Variants in ZYG11A observed in about 807,000 individuals in gnomAD.
ZYG11A encodes zyg-11 family member A, cell cycle regulator.
Under a neutral mutation model 77.2 loss-of-function variants are expected in ZYG11A, and 62 were observed. The observed-to-expected ratio is 0.80, with a 90% CI of 0.65 to 0.99. The LOEUF (loss-of-function observed/expected upper bound fraction) is 0.99, where lower values mean the gene tolerates loss of function less well. Ranked by LOEUF, ZYG11A falls within the 50% of genes least tolerant of loss-of-function variation. The pLI is 0.00. For missense variants in ZYG11A, 828 were observed against 896.8 expected (o/e 0.92, Z 0.98); for synonymous variants, 315 against 324.6 (o/e 0.97, Z 0.32).
chr1:52,864,182 G>A (rs1166962915), intron 5 of ZYG11A, 25 bp downstream of exon 5: 2 of 1,547,776 alleles, frequency 1.3e-6, no homozygotes, highest in Non-Finnish European at 1.7e-6. Context: ...ATATTTGTTT[G>A]TGCTTTTTTT....
intron 11 of ZYG11A, 40 bp downstream of exon 11, chr1:52,881,705 T>C (rs747383842): frequency 1.9e-5 from 27 of 1,418,792 alleles, no homozygotes; most frequent in Middle Eastern, 1.8e-4. Context: ...TCCAGAGTAA[T>C]CTCTAATTAC....
Position 52,877,811 on chromosome 1 carries a change from C to G in ZYG11A, c.1672C>G (p.Gln558Glu), listed in dbSNP as rs1182336388. 6.4e-7 allele frequency: 1 copy of G among 1,551,548 alleles called. No homozygotes were observed. The change falls in exon 9 of 14, where the codon CAA becomes GAA. Residue 558 changes from glutamine (Q) to glutamate (E), a missense_variant. Coordinates refer to ENST00000371528, the MANE Select transcript of ZYG11A (RefSeq NM_001004339.3). ...TGCCTGCAAGCACTTCATTGAAAAT[C>G]AAGGATTGCAAATCTTCATCCAAGT... ...PAACKHFIEN[Q>E]GLQIFIQVLE...
chr1:52,859,667 CTTT>C (rs60756718), intron 3 of ZYG11A, among the ~76,000 whole-genome samples: 48 of 42,904 alleles, frequency 1.1e-3, no homozygotes, highest in African/African-American at 2.7e-3. Flanking sequence ...TGTGTATTGC[CTTT>C]TTTTTTTTTT....
At chr1:52,874,738 G>A (rs1263077405) in intron 8 of ZYG11A, among the ~76,000 whole-genome samples, 1 of 151,970 alleles carries the variant, frequency 6.6e-6, no homozygotes, top group South Asian at 2.1e-4. Flanking sequence ...GGGGTGGCAC[G>A]AGCCTGTAAT....
chr1:52,886,017 C>T, intron 12 of ZYG11A, 123 bp downstream of exon 12: 1 of 666,000 alleles, frequency 1.5e-6, no homozygotes, highest in Non-Finnish European at 2.4e-6. Flanking sequence ...ACTGCAAGCT[C>T]CACCTCCCGG....
intron 11 of ZYG11A, among the ~76,000 whole-genome samples, chr1:52,882,990 A>G (rs946472182): frequency 6.9e-6 from 1 of 144,668 alleles, no homozygotes; most frequent in Non-Finnish European, 1.5e-5. Flanking sequence ...TCATCTTTTC[A>G]TATCTAGCTC....
At chr1:52,871,009 A>G (rs1646153177) in intron 8 of ZYG11A, among the ~76,000 whole-genome samples, 1 of 152,104 alleles carries the variant, frequency 6.6e-6, no homozygotes, top group African/African-American at 2.4e-5. Flanking sequence ...CATTTATGGC[A>G]TGGTTTATGA....
At chr1:52,860,438 C>G (rs1169089914) in intron 3 of ZYG11A, among the ~76,000 whole-genome samples, 1 of 152,122 alleles carries the variant, frequency 6.6e-6, no homozygotes, top group Non-Finnish European at 1.5e-5. Context: ...GCTGGGACTA[C>G]AGGCGCCTGC....
Position 52,893,177 on chromosome 1 carries a change from C to T in ZYG11A, c.*220C>T. ...AGCCTTTCAGCAGCAATTTTGAAGACTCAAACCGTGGACTCTGGGAAGGCC... is the reference window on the plus strand; with the variant it reads ...AGCCTTTCAGCAGCAATTTTGAAGATTCAAACCGTGGACTCTGGGAAGGCC... On this transcript the variant is annotated 3_prime_UTR_variant, in exon 14 of 14. Transcript: ENST00000371528. 2.0e-6 allele frequency: 1 copy of T among 502,512 alleles called. No homozygotes were observed. Among genetic ancestry groups the T allele is most frequent in the Non-Finnish European group, 3.5e-6 (1 of 282,118 alleles). 31.1% of individuals were successfully genotyped at this position (502,512 alleles called of 1,614,324 possible).
Position 52,892,024 on chromosome 1 carries a change from G to A in ZYG11A, c.2105-758G>A, listed in dbSNP as rs1317581426. 2.6e-5 allele frequency among the ~76,000 whole-genome samples: 4 copies of A among 150,944 alleles called. 1 individual carries two copies. Among genetic ancestry groups the A allele is most frequent in the African/African-American group, 4.9e-5 (2 of 40,816 alleles). On this transcript the variant is annotated intron_variant, in intron 13 of 13. Coordinates refer to ENST00000371528, the MANE Select transcript of ZYG11A (RefSeq NM_001004339.3). ...CGCCATTCTCCTGCCTCAGCCTCCC[G>A]AGTAGCTGGGACTACAGGTGCCCAC...
At chr1:52,855,184 G>T (rs1645787289) in intron 2 of ZYG11A, among the ~76,000 whole-genome samples, 1 of 112,730 alleles carries the variant, frequency 8.9e-6, no homozygotes, top group African/African-American at 2.8e-5. Flanking sequence ...TTTTCAAAAT[G>T]CTCTTGCTGT....
At position 52,864,046 on chromosome 1, in the gene ZYG11A, C is replaced by T. The variant is rs1396488654; in HGVS notation, c.1215C>T (p.Cys405=). The part of the protein sequence containing the change: ...DLRVQFTASA[C]ALNLTRQGLA... ...GAGTGCAGTTCACAGCCAGTGCTTG[C>T]GCTCTCAACCTAACACGCCAGGGCC... Residue 405 remains cysteine (C), a synonymous_variant, in exon 5 of 14, where the codon TGC becomes TGT. Transcript: ENST00000371528. The T allele has an allele frequency of 2.4e-5, 37 of 1,551,692 alleles. No homozygotes were observed. The highest frequency in any genetic ancestry group is 9.8e-5 in the East Asian group (4 of 40,934).
At chr1:52,849,088 C>G (rs1352713244) in intron 1 of ZYG11A, among the ~76,000 whole-genome samples, 2 of 151,340 alleles carry the variant, frequency 1.3e-5, no homozygotes, top group Middle Eastern at 3.2e-3. Flanking sequence ...TTTTTGAGAC[C>G]GAGTCTCACT....
At chr1:52,875,917 T>C (rs1160821037) in intron 8 of ZYG11A, among the ~76,000 whole-genome samples, 1 of 150,938 alleles carries the variant, frequency 6.6e-6, no homozygotes, top group Non-Finnish European at 1.5e-5. Flanking sequence ...GATTCAAGTT[T>C]GAGGTGATTC....
chr1:52,850,253 C>T (rs983311442), intron 1 of ZYG11A, among the ~76,000 whole-genome samples: 2 of 151,878 alleles, frequency 1.3e-5, no homozygotes, highest in East Asian at 1.9e-4. Flanking sequence ...TGGGTTCAAG[C>T]GATTCTCCTG....
chr1:52,846,310 TTATATATATATATATA>T (rs869093943), intron 1 of ZYG11A, among the ~76,000 whole-genome samples: 842 of 35,594 alleles, frequency 0.024, 15 homozygotes, highest in Non-Finnish European at 0.046. Flanking sequence ...TTTTAAATTT[TTATATATATATATATA>T]TATATATATA....
In ZYG11A at chr1:52,894,160, C is replaced by G. The variant is rs1004323870; in HGVS notation, c.*1203C>G. 6 of 152,086 alleles carry G rather than the reference C, an allele frequency of 3.9e-5. No homozygotes were observed. The highest frequency in any genetic ancestry group is 1.5e-4 in the African/African-American group (6 of 41,376). 9.4% of individuals were successfully genotyped at this position (152,086 alleles called of 1,614,324 possible). On this transcript the variant is annotated 3_prime_UTR_variant, in exon 14 of 14. Transcript: ENST00000371528. ...TTTGGCATGTTTCCTGTTATGTGAG[C>G]ATGACATGCTGTGTATGTGAGTGAG... is the stretch of plus-strand genomic sequence containing the variant.
intron 1 of ZYG11A, among the ~76,000 whole-genome samples, chr1:52,845,821 T>A (rs1265315305): frequency 1.3e-5 from 2 of 151,786 alleles, no homozygotes; most frequent in African/African-American, 4.8e-5. Context: ...AGACTATAGG[T>A]GTGCACCACC....
In ZYG11A at chr1:52,860,781, C is replaced by A; in HGVS notation, c.1059C>A (p.Tyr353Ter). Reference sequence around the variant, plus strand: ...AGATTTCAGAAGCACTGAGCCGATACAGGAACAGATCATGTTTTGTGAAGG... The same window carrying A: ...AGATTTCAGAAGCACTGAGCCGATAAAGGAACAGATCATGTTTTGTGAAGG... ...MSQISEALSR[Y>*]RNRSCFVKEA... The change falls in exon 4 of 14, where the codon TAC (tyrosine) becomes TAA (stop). Residue 353 changes from tyrosine (Y) to a stop codon, truncating the protein, a stop_gained. Transcript: ENST00000371528. LOFTEE classifies it high-confidence loss of function. 1 of 1,551,656 alleles carries A rather than the reference C, an allele frequency of 6.4e-7. No individual in the cohort carries two copies. Among genetic ancestry groups the A allele is most frequent in the Non-Finnish European group, 8.7e-7 (1 of 1,146,968 alleles).
Sources: gnomAD v4.1 joint callset for allele counts (sites outside exome capture counted in the v4.1 genomes callset) on GRCh38, gnomAD v4.1.1 for gene constraint, MANE v1.5 for transcripts, NCBI Gene and HGNC (gene_info 2026-07-23, HGNC 2026-07-21) for gene names.